Variants in DHX9 observed in about 807,000 individuals in gnomAD.
The protein encoded by DHX9 is DExH-box helicase 9.
DHX9 carries 27 observed loss-of-function variants against 148.7 expected under a neutral mutation model. The ratio of observed to expected loss-of-function variants is 0.18; its 90% CI spans 0.13 to 0.25. The LOEUF (loss-of-function observed/expected upper bound fraction) is 0.25. DHX9 is among the 10% of genes least tolerant of loss of function. DHX9 has a pLI of 1.00. For missense variants in DHX9, 796 were observed against 1,559.6 expected (o/e 0.51, Z 8.25); for synonymous variants, 529 against 516.6 (o/e 1.02, Z -0.33).
intron 20 of DHX9, among the ~76,000 whole-genome samples, chr1:182,878,753 G>C (rs370472133): frequency 2.0e-5 from 3 of 152,120 alleles, no homozygotes; most frequent in Non-Finnish European, 4.4e-5. Context: ...AATCCAAAAC[G>C]CTCTAATGAG....
At chr1:182,864,376 C>A (rs572134581) in intron 12 of DHX9, among the ~76,000 whole-genome samples, 1 of 152,164 alleles carries the variant, frequency 6.6e-6, no homozygotes, top group Non-Finnish European at 1.5e-5. Flanking sequence ...AGCTACCATA[C>A]CGGGCTTAAA....
chr1:182,875,750 T>G (rs2102615527), intron 16 of DHX9, among the ~76,000 whole-genome samples: 1 of 152,326 alleles, frequency 6.6e-6, no homozygotes, highest in East Asian at 1.9e-4. Context: ...AAATACATTA[T>G]TTCAATAATA....
intron 15 of DHX9, among the ~76,000 whole-genome samples, chr1:182,874,309 G>C (rs1648670720): frequency 6.6e-6 from 1 of 152,156 alleles, no homozygotes; most frequent in African/African-American, 2.4e-5. Context: ...ATATTGATAG[G>C]ATATGCCCTT....
chr1:182,874,847 C>T lies in DHX9; in HGVS notation c.1715-7C>T. 1 of 1,605,312 alleles carries T rather than the reference C, an allele frequency of 6.2e-7. No individual in the cohort carries two copies. The highest frequency in any genetic ancestry group is 8.5e-7 in the Non-Finnish European group (1 of 1,173,510). The stretch of plus-strand genomic sequence containing the variant: ...AGTACTTAACCTGACTGGATTGTCC[C>T]TGGCAGAATATTTTCTGGAAGACTG... On this transcript the variant is annotated splice_polypyrimidine_tract_variant and splice_region_variant and intron_variant, in intron 15 of 27. Coordinates refer to ENST00000367549, the MANE Select transcript of DHX9 (RefSeq NM_001357.5).
In DHX9 at chr1:182,858,867, C is replaced by A; in HGVS notation, c.1035C>A (p.Ser345Arg). 6.2e-7 allele frequency: 1 copy of A among 1,614,094 alleles called. No individual in the cohort carries two copies. Among genetic ancestry groups the A allele is most frequent in the African/African-American group, 1.3e-5 (1 of 75,008 alleles). Residue 345 changes from serine to arginine, a missense_variant, in exon 10 of 28, where the codon AGC (serine) becomes AGA (arginine). Transcript: ENST00000367549. ...CCAACTGGAATCCTTGGACTAGTAG[C>A]AACATTGATGAGGGGCCTCTGGCTT... Reference protein sequence around the residue: ...PQSNWNPWTSSNIDEGPLAFA... With the variant: ...PQSNWNPWTSRNIDEGPLAFA...
chr1:182,874,836 C>G lies in DHX9; in HGVS notation c.1715-18C>G. 4.4e-6 allele frequency: 7 copies of G among 1,585,828 alleles called. No individual in the cohort carries two copies. Among genetic ancestry groups the G allele is most frequent in the Non-Finnish European group, 5.2e-6 (6 of 1,156,326 alleles). Reference sequence around the variant, plus strand: ...TGAAAGTTGATAGTACTTAACCTGACTGGATTGTCCCTGGCAGAATATTTT... The same window carrying G: ...TGAAAGTTGATAGTACTTAACCTGAGTGGATTGTCCCTGGCAGAATATTTT... On this transcript the variant is annotated intron_variant, in intron 15 of 27. Coordinates refer to ENST00000367549, the MANE Select transcript of DHX9 (RefSeq NM_001357.5).
At chr1:182,879,524 G>A (rs1648985663) in intron 21 of DHX9, 114 bp downstream of exon 21, 7 of 1,037,774 alleles carry the variant, frequency 6.7e-6, no homozygotes, top group Non-Finnish European at 9.0e-6. Context: ...CAACAGGGCT[G>A]TGATAATAAT....
chr1:182,860,937 A>G (rs533611621), intron 12 of DHX9, among the ~76,000 whole-genome samples: 1 of 152,230 alleles, frequency 6.6e-6, no homozygotes, highest in Non-Finnish European at 1.5e-5. Flanking sequence ...CCTCTGAGGT[A>G]GGCTTACATC....
chr1:182,858,293 TC>T, intron 8 of DHX9, 53 bp downstream of exon 8: 7 of 1,575,646 alleles, frequency 4.4e-6, no homozygotes, highest in Non-Finnish European at 6.0e-6. Context: ...TCAATTTAGC[TC>T]TTGTTTAGTG....
chr1:182,843,435 G>A lies in DHX9; in HGVS notation c.252+1G>A. 1 of 1,595,016 alleles carries A rather than the reference G, an allele frequency of 6.3e-7. No homozygotes were observed. The highest frequency in any genetic ancestry group is 8.5e-7 in the Non-Finnish European group (1 of 1,173,078). The stretch of plus-strand genomic sequence containing the variant: ...GAGTGAAGAAGTTCCAGCTTTTGGG[G>A]TAAGTACCTATGGCGAAGCACTTGA... On this transcript the variant is annotated splice_donor_variant, in intron 3 of 27. Transcript: ENST00000367549. LOFTEE classifies it high-confidence loss of function.
At chr1:182,878,411 C>G (rs1163929552) in intron 20 of DHX9, among the ~76,000 whole-genome samples, 1 of 152,160 alleles carries the variant, frequency 6.6e-6, no homozygotes, top group African/African-American at 2.4e-5. Context: ...TTGTATAACA[C>G]TAAGTGGTTA....
At position 182,880,547 on chromosome 1, in the gene DHX9, C is replaced by T; in HGVS notation, c.2563C>T (p.Leu855=). ...TGAGTTGACTCCTTTGGGACGAATC[C>T]TGGCTAAACTCCCCATTGAGCCTCG... is the stretch of plus-strand genomic sequence containing the variant. ...NDELTPLGRI[L]AKLPIEPRFG... Residue 855 remains leucine (L), a synonymous_variant, in exon 22 of 28, where the codon CTG becomes TTG. Coordinates refer to ENST00000367549, the MANE Select transcript of DHX9 (RefSeq NM_001357.5). 6.2e-7 allele frequency: 1 copy of T among 1,613,884 alleles called. No homozygotes were observed. The highest frequency in any genetic ancestry group is 8.5e-7 in the Non-Finnish European group (1 of 1,179,832).
chr1:182,874,036 T>C (rs1648659531), intron 15 of DHX9, among the ~76,000 whole-genome samples: 1 of 152,220 alleles, frequency 6.6e-6, no homozygotes, highest in African/African-American at 2.4e-5. Context: ...TATTTGTGTG[T>C]CTATACTGAT....
chr1:182,844,502 C>T (rs1296762196), intron 3 of DHX9, among the ~76,000 whole-genome samples: 2 of 152,144 alleles, frequency 1.3e-5, no homozygotes, highest in Non-Finnish European at 2.9e-5. Context: ...TGCCGCTACA[C>T]TAGGCTCTAG....
intron 19 of DHX9, 74 bp downstream of exon 19, chr1:182,876,977 A>G (rs1648831646): frequency 1.9e-6 from 2 of 1,032,084 alleles, no homozygotes; most frequent in African/African-American, 1.6e-5. Flanking sequence ...AACAGAATCA[A>G]AAACACCTTA....
At chr1:182,873,231 C>T (rs549874661) in intron 15 of DHX9, among the ~76,000 whole-genome samples, 5 of 152,320 alleles carry the variant, frequency 3.3e-5, no homozygotes, top group Admixed American at 2.6e-4. Flanking sequence ...GCTGGGATTA[C>T]AGTCTAGAGC....
chr1:182,876,359 C>T lies in DHX9; in HGVS notation c.2030-88C>T, dbSNP rs1359143632. 3.2e-6 allele frequency: 5 copies of T among 1,559,880 alleles called. No homozygotes were observed. The Admixed American group carries it at 8.6e-5, about 27-fold the overall frequency. On this transcript the variant is annotated intron_variant, in intron 17 of 27. Coordinates refer to ENST00000367549, the MANE Select transcript of DHX9 (RefSeq NM_001357.5). ...GTGAAAACAAAATTTTGTATTGTTT[C>T]TACTTTCGAATAAAAATATGTATAA...
chr1:182,850,977 G>T (rs1312874139), intron 3 of DHX9, among the ~76,000 whole-genome samples: 1 of 151,880 alleles, frequency 6.6e-6, no homozygotes, highest in Non-Finnish European at 1.5e-5. Flanking sequence ...TGTAGATAGA[G>T]AGTGAGGTGG....
intron 27 of DHX9, among the ~76,000 whole-genome samples, chr1:182,885,967 G>A (rs1014608720): frequency 6.6e-5 from 10 of 152,118 alleles, no homozygotes; most frequent in Admixed American, 1.3e-4. Context: ...ATAACAGTCC[G>A]GAAACTAGAA....
Sources: allele counts gnomAD v4.1 joint callset (sites outside exome capture counted in the v4.1 genomes callset), GRCh38; gene constraint gnomAD v4.1.1; transcripts MANE v1.5; gene names NCBI Gene and HGNC (gene_info 2026-07-23, HGNC 2026-07-21).